Variants in IPCEF1 observed in about 807,000 individuals in gnomAD.
IPCEF1 encodes interactor protein for cytohesin exchange factors 1.
In IPCEF1, 31 loss-of-function variants were observed where a neutral mutation model predicts 50.9. The observed-to-expected ratio is 0.61, with a 90% CI of 0.46 to 0.82. The LOEUF (loss-of-function observed/expected upper bound fraction) is 0.82, where lower values mean the gene tolerates loss of function less well. Among genes scored for constraint, IPCEF1 ranks in the 40% least tolerant of loss-of-function variants. The pLI, the probability that IPCEF1 is intolerant of heterozygous loss-of-function variation, is 0.00. For missense variants in IPCEF1, 458 were observed against 514.0 expected (o/e 0.89, Z 1.05); for synonymous variants, 181 against 192.0 (o/e 0.94, Z 0.47).
chr6:154,177,925 G>A (rs549592405), intron 10 of IPCEF1, among the ~76,000 whole-genome samples: 2 of 152,296 alleles, frequency 1.3e-5, no homozygotes, highest in Admixed American at 1.3e-4. Context: ...TAAAGACAAT[G>A]TGTCACATAT....
intron 3 of IPCEF1, among the ~76,000 whole-genome samples, chr6:154,252,606 C>T (rs1406553989): frequency 2.6e-5 from 4 of 151,974 alleles, no homozygotes; most frequent in Non-Finnish European, 5.9e-5. Context: ...ACCCCAGAGA[C>T]GGAGGCTGCA....
chr6:154,186,453 C>T (rs1801351281), intron 10 of IPCEF1, among the ~76,000 whole-genome samples: 1 of 152,210 alleles, frequency 6.6e-6, no homozygotes, highest in South Asian at 2.1e-4. Context: ...CAAATCCCAT[C>T]ACCTCCACCT....
At chr6:154,209,770 A>C (rs2128603140) in intron 9 of IPCEF1, among the ~76,000 whole-genome samples, 1 of 152,292 alleles carries the variant, frequency 6.6e-6, no homozygotes, top group South Asian at 2.1e-4. Context: ...AACAAAAACA[A>C]AATCTGTCTG....
At chr6:154,180,414 A>ATATATATATATTT (rs1241250621) in intron 10 of IPCEF1, among the ~76,000 whole-genome samples, 3 of 65,268 alleles carry the variant, frequency 4.6e-5, no homozygotes, top group African/African-American at 1.4e-4. Context: ...ATATATATAT[A>ATATATATATATTT]TTTTTTTTTT....
chr6:154,193,792 T>C (rs923292627), intron 10 of IPCEF1, among the ~76,000 whole-genome samples: 1 of 152,216 alleles, frequency 6.6e-6, no homozygotes, highest in Non-Finnish European at 1.5e-5. Flanking sequence ...CAAAGCCACA[T>C]TAATTTAGAA....
chr6:154,329,962 T>C (rs564901910), intron 1 of IPCEF1: 4 of 152,554 alleles, frequency 2.6e-5, no homozygotes, highest in East Asian at 1.9e-4. Context: ...CTGTCCAAAC[T>C]TCTTACTAGT....
At chr6:154,195,603 A>G (rs1017138572) in intron 10 of IPCEF1, among the ~76,000 whole-genome samples, 3 of 152,018 alleles carry the variant, frequency 2.0e-5, no homozygotes, top group Admixed American at 6.5e-5. Context: ...CTCCATGTAC[A>G]TATCTTGCCA....
chr6:154,348,011 C>T (rs562508755), intron 1 of IPCEF1, among the ~76,000 whole-genome samples: 2 of 152,268 alleles, frequency 1.3e-5, no homozygotes, highest in African/African-American at 2.4e-5. Context: ...CACTTCAAGG[C>T]AATCAGGAGT....
chr6:154,240,886 T>C (rs1470777403), intron 5 of IPCEF1, among the ~76,000 whole-genome samples: 1 of 152,204 alleles, frequency 6.6e-6, no homozygotes, highest in Non-Finnish European at 1.5e-5. Flanking sequence ...CTCTGTAATA[T>C]ATACAAAACC....
At position 154,351,158 on chromosome 6, in the gene IPCEF1, C is replaced by T. The variant is rs917144756; in HGVS notation, c.-62+5514G>A. Among the ~76,000 whole-genome samples the T allele has an allele frequency of 2.6e-5, 4 of 152,310 alleles. No homozygotes were observed. In the South Asian group the frequency reaches 8.3e-4, roughly 32 times the overall value. On this transcript the variant is annotated intron_variant, in intron 1 of 11. Coordinates refer to ENST00000367220, the MANE Select transcript of IPCEF1 (RefSeq NM_001130700.2). ...TCCTAGCCTTTTGATCTGCGGTGTT[C>T]CCGCTAAAAAATTGAGCCTAATAGA...
intron 2 of IPCEF1, among the ~76,000 whole-genome samples, chr6:154,271,705 C>T (rs1054670894): frequency 3.3e-5 from 5 of 152,096 alleles, no homozygotes; most frequent in South Asian, 2.1e-4. Flanking sequence ...AAAACTAGGC[C>T]GGGTTCAATG....
intron 1 of IPCEF1, among the ~76,000 whole-genome samples, chr6:154,320,424 C>A (rs1783344498): frequency 6.6e-6 from 1 of 152,150 alleles, no homozygotes; most frequent in Non-Finnish European, 1.5e-5. Context: ...GTGCAACTGG[C>A]CTCAACCGCC....
rs563617434 is a variant in IPCEF1, at chr6:154,247,880, C to A, written c.37-392G>T. ...TGCTTCTTTTGCAATTTCTAAATAA[C>A]AATGATTATTCAGATAAACCTGGAA... On this transcript the variant is annotated intron_variant, in intron 3 of 11. Coordinates refer to ENST00000367220, the MANE Select transcript of IPCEF1 (RefSeq NM_001130700.2). Among the ~76,000 whole-genome samples the A allele has an allele frequency of 3.9e-5, 6 of 152,276 alleles. No homozygotes were observed. The East Asian group carries it at 1.2e-3, about 29-fold the overall frequency.
chr6:154,322,401 CA>C (rs780153819), intron 1 of IPCEF1, among the ~76,000 whole-genome samples: 31,951 of 151,606 alleles, frequency 0.21, 3,685 homozygotes, highest in East Asian at 0.34. Context: ...CACACACACA[CA>C]CCCCTATGTT....
At chr6:154,167,837 T>C in intron 11 of IPCEF1, 83 bp downstream of exon 11, 1 of 1,039,124 alleles carries the variant, frequency 9.6e-7, no homozygotes, top group Non-Finnish European at 1.4e-6. Context: ...AAACATGCTG[T>C]GATTAGCAAG....
At chr6:154,184,039 G>A (rs996622638) in intron 10 of IPCEF1, among the ~76,000 whole-genome samples, 4 of 151,978 alleles carry the variant, frequency 2.6e-5, no homozygotes, top group Admixed American at 6.5e-5. Flanking sequence ...CTGCATATTC[G>A]ATCCCCTGAG....
intron 1 of IPCEF1, among the ~76,000 whole-genome samples, chr6:154,318,705 C>A (rs1290085639): frequency 1.3e-4 from 15 of 114,562 alleles, no homozygotes; most frequent in African/African-American, 5.2e-4. Context: ...AGAGTGAGAC[C>A]CTGTCTCAAA....
chr6:154,229,328 G>A (rs1779517948), intron 5 of IPCEF1, among the ~76,000 whole-genome samples: 1 of 150,314 alleles, frequency 6.7e-6, no homozygotes, highest in Non-Finnish European at 1.5e-5. Flanking sequence ...GCAGAAGGCA[G>A]TGTGGAAAAG....
rs1304667316 is a variant in IPCEF1 at position 154,157,978 on chromosome 6, CAT to C, written c.*1848_*1849del. 2 of 152,270 alleles carry C rather than the reference CAT, an allele frequency of 1.3e-5. No individual in the cohort carries two copies. Among genetic ancestry groups the C allele is most frequent in the Non-Finnish European group, 1.5e-5 (1 of 68,044 alleles). 9.4% of individuals were successfully genotyped at this position (152,270 alleles called of 1,614,324 possible). On this transcript the variant is annotated 3_prime_UTR_variant, in exon 12 of 12. Coordinates refer to ENST00000367220, the MANE Select transcript of IPCEF1 (RefSeq NM_001130700.2). Reference sequence around the variant, plus strand: ...GCTTCCCTAGGTGGAGAAGTACCCACATGTTTGCTGGGCCAAACTGACTGGCC... The same window carrying C: ...GCTTCCCTAGGTGGAGAAGTACCCACGTTTGCTGGGCCAAACTGACTGGCC...
Sources: allele counts gnomAD v4.1 joint callset (sites outside exome capture counted in the v4.1 genomes callset), GRCh38; gene constraint gnomAD v4.1.1; transcripts MANE v1.5; gene names NCBI Gene and HGNC (gene_info 2026-07-23, HGNC 2026-07-21).